Variants in SASH1 observed in about 807,000 individuals in gnomAD.
SASH1 encodes SAM and SH3 domain-containing protein 1.
A neutral mutation model predicts 125.2 loss-of-function variants in SASH1; 44 were observed. That is an observed-to-expected ratio of 0.35 (90% CI 0.28 to 0.45). The LOEUF (loss-of-function observed/expected upper bound fraction) is 0.45, where lower values mean the gene tolerates loss of function less well. Ranked by LOEUF, SASH1 falls within the 20% of genes least tolerant of loss-of-function variation. SASH1 has a pLI of 1.00. For synonymous variants in SASH1, 639 were observed against 649.1 expected (o/e 0.98, Z 0.24); for missense variants, 1,426 against 1,614.5 (o/e 0.88, Z 2.00).
Position 148,377,211 on chromosome 6 carries a change from C to CA in SASH1, c.157-12920dup, listed in dbSNP as rs1439080791. Among the ~76,000 whole-genome samples the CA allele has an allele frequency of 1.9e-4, 11 of 57,312 alleles. No homozygotes were observed. In the South Asian group the frequency reaches 2.8e-3, roughly 15 times the overall value. 37.6% of individuals were successfully genotyped at this position (57,312 alleles called of 152,430 possible). ...AAAAAAAAACAAAAAAAAAACAAAACAAACAAACAAACAAAAAAAAACACA... is the reference window on the plus strand; with the variant it reads ...AAAAAAAAACAAAAAAAAAACAAAACAAAACAAACAAACAAAAAAAAACACA... On this transcript the variant is annotated intron_variant, in intron 1 of 19. Coordinates refer to ENST00000367467, the MANE Select transcript of SASH1 (RefSeq NM_015278.5).
chr6:148,446,131 C>G (rs13210987), intron 4 of SASH1, among the ~76,000 whole-genome samples: 11,378 of 83,286 alleles, frequency 0.14, 1,015 homozygotes, highest in East Asian at 0.28. Context: ...TTTTTTGAGA[C>G]GGAGCCTCAC....
intron 1 of SASH1, among the ~76,000 whole-genome samples, chr6:148,372,126 C>T (rs2114750891): frequency 6.6e-6 from 1 of 152,292 alleles, no homozygotes; most frequent in South Asian, 2.1e-4. Context: ...CAGTACCACC[C>T]TCCCATGAAT....
At chr6:148,418,090 C>T (rs1158335399) in intron 2 of SASH1, among the ~76,000 whole-genome samples, 3 of 152,038 alleles carry the variant, frequency 2.0e-5, no homozygotes, top group African/African-American at 7.3e-5. Context: ...ATACTTGGGG[C>T]TTATGAGGTA....
At chr6:148,257,744 C>A in the SASH1 span, among the ~76,000 whole-genome samples, 2 of 151,662 alleles carry the variant, frequency 1.3e-5, no homozygotes, top group African/African-American at 2.4e-5. Context: ...AATTCTCCTG[C>A]CTCAGCCTCC....
the SASH1 span, among the ~76,000 whole-genome samples, chr6:148,207,647 C>CA: frequency 2.6e-5 from 4 of 152,322 alleles, no homozygotes; most frequent in Admixed American, 2.6e-4. Flanking sequence ...ATGGCGCAGA[C>CA]ACAGACAGAA....
rs776512938 is a variant in SASH1, at chr6:148,531,584, A to G, written c.1487A>G (p.His496Arg). ...CCGCCTTCACAGCCCGACCCCGAACACTTGGACAAGCCCAAGCTCAAGGCC... is the reference window on the plus strand; with the variant it reads ...CCGCCTTCACAGCCCGACCCCGAACGCTTGGACAAGCCCAAGCTCAAGGCC... Reference protein sequence around the residue: ...SPPPSQPDPEHLDKPKLKAGG... With the variant: ...SPPPSQPDPERLDKPKLKAGG... Residue 496 changes from histidine to arginine, a missense_variant, in exon 13 of 20, where the codon CAC becomes CGC. Coordinates refer to ENST00000367467, the MANE Select transcript of SASH1 (RefSeq NM_015278.5). 1.5e-5 allele frequency: 24 copies of G among 1,577,668 alleles called. No homozygotes were observed. The East Asian group carries it at 5.7e-4, about 38-fold the overall frequency.
intron 7 of SASH1, among the ~76,000 whole-genome samples, chr6:148,484,378 C>T (rs1054625648): frequency 2.6e-5 from 4 of 152,070 alleles, no homozygotes; most frequent in Non-Finnish European, 5.9e-5. Context: ...TTTATAACTC[C>T]TGGAATTAAT....
chr6:148,249,892 A>T, the SASH1 span, among the ~76,000 whole-genome samples: 1 of 152,182 alleles, frequency 6.6e-6, no homozygotes, highest in Non-Finnish European at 1.5e-5. Context: ...TCACAGTCCT[A>T]AGTGCTTTAC....
chr6:148,504,093 G>A (rs1779670625), intron 8 of SASH1, among the ~76,000 whole-genome samples: 1 of 152,184 alleles, frequency 6.6e-6, no homozygotes, highest in South Asian at 2.1e-4. Context: ...CTTGGATAAA[G>A]TATCTTTAGT....
chr6:148,393,605 A>G (rs1783824858), intron 2 of SASH1: 1 of 698,340 alleles, frequency 1.4e-6, no homozygotes, highest in Non-Finnish European at 1.8e-6. Context: ...CATCGGTGGG[A>G]TTTAGATTAT....
At chr6:148,472,486 G>A (rs1200181076) in intron 6 of SASH1, among the ~76,000 whole-genome samples, 2 of 151,680 alleles carry the variant, frequency 1.3e-5, no homozygotes, top group Non-Finnish European at 2.9e-5. Flanking sequence ...GAAAGGGAGA[G>A]GTACAGAGGG....
chr6:148,298,643 AAGGAAGGGAGGG>A (rs1385573506), intron 1 of SASH1, among the ~76,000 whole-genome samples: 1,768 of 112,892 alleles, frequency 0.016, 63 homozygotes, highest in African/African-American at 0.054. Context: ...TGAAAGAAGG[AAGGAAGGGAGGG>A]AGGGAGGGAG....
chr6:148,393,600 G>T (rs1783824596), intron 2 of SASH1: 4 of 660,748 alleles, frequency 6.1e-6, no homozygotes, highest in Admixed American at 6.3e-5. Flanking sequence ...CTGCCCATCG[G>T]TGGGATTTAG....
intron 4 of SASH1, among the ~76,000 whole-genome samples, chr6:148,445,708 G>A (rs181431708): frequency 1.3e-5 from 2 of 152,282 alleles, no homozygotes; most frequent in South Asian, 2.1e-4. Context: ...AAAGCAGGGC[G>A]AAGAGAGGGA....
chr6:148,385,960 G>A (rs978158109), intron 1 of SASH1, among the ~76,000 whole-genome samples: 15 of 152,322 alleles, frequency 9.8e-5, no homozygotes, highest in Non-Finnish European at 1.5e-4. Context: ...GGGGTCGTGG[G>A]AACCCTAATT....
intron 4 of SASH1, among the ~76,000 whole-genome samples, chr6:148,452,644 T>G (rs568352618): frequency 6.6e-6 from 1 of 152,312 alleles, no homozygotes; most frequent in East Asian, 1.9e-4. Context: ...AGGGTGGTGC[T>G]GTGAAATGCC....
At chr6:148,463,396 C>T (rs953186500) in intron 4 of SASH1, among the ~76,000 whole-genome samples, 3 of 152,128 alleles carry the variant, frequency 2.0e-5, no homozygotes, top group African/African-American at 7.2e-5. Flanking sequence ...CCACCCGTCT[C>T]GGCCTCAAAG....
intron 1 of SASH1, among the ~76,000 whole-genome samples, chr6:148,348,334 G>T (rs550997981): frequency 6.6e-6 from 1 of 152,306 alleles, no homozygotes; most frequent in South Asian, 2.1e-4. Context: ...ATCTTTTCCT[G>T]CTAAAGGAGA....
upstream of SASH1, among the ~76,000 whole-genome samples, chr6:148,338,369 G>T (rs1047536883): frequency 3.3e-5 from 5 of 151,164 alleles, no homozygotes; most frequent in African/African-American, 1.2e-4. Flanking sequence ...AGAGGTTACA[G>T]TGAGCCAAGA....
Sources: gnomAD v4.1 joint callset for allele counts (sites outside exome capture counted in the v4.1 genomes callset) on GRCh38, gnomAD v4.1.1 for gene constraint, MANE v1.5 for transcripts, NCBI Gene and HGNC (gene_info 2026-07-23, HGNC 2026-07-21) for gene names.